BANP: variants seen among roughly 807,000 people sequenced by gnomAD.
BANP encodes the protein BTG3 associated nuclear protein.
Under a neutral mutation model 68.1 loss-of-function variants are expected in BANP, and 11 were observed. The observed-to-expected ratio is 0.16, with a 90% CI of 0.10 to 0.27. BANP has a LOEUF of 0.27. BANP is among the 10% of genes least tolerant of loss of function. The pLI, the probability that BANP is intolerant of heterozygous loss-of-function variation, is 1.00. For synonymous variants in BANP, 329 were observed against 303.2 expected (o/e 1.09, Z -0.88); for missense variants, 504 against 722.7 (o/e 0.70, Z 3.47).
In BANP at chr16:88,018,167, C is replaced by T. The variant is rs967195084; in HGVS notation, c.656-261C>T. Among the ~76,000 whole-genome samples the T allele has an allele frequency of 6.6e-6, 1 of 151,682 alleles. No homozygotes were observed. The highest frequency in any genetic ancestry group is 2.4e-5 in the African/African-American group (1 of 41,268). ...CAGAGTGTGTGACCGTGTTGGCGCT[C>T]AGGTCCCGAGGCCCTGCAGCCCCAC... On this transcript the variant is annotated intron_variant, in intron 6 of 13. Transcript: ENST00000682872. The surrounding 1 kb of genome is among the most constrained non-coding windows in gnomAD (Gnocchi z 7.7).
chr16:87,952,944 A>AT, intron 1 of BANP, among the ~76,000 whole-genome samples: 1 of 151,884 alleles, frequency 6.6e-6, no homozygotes, highest in African/African-American at 2.4e-5. Context: ...TAATTTTTGT[A>AT]TTTTTCGTAG....
chr16:88,038,756 C>T (rs1272955761), intron 11 of BANP, among the ~76,000 whole-genome samples: 1 of 152,106 alleles, frequency 6.6e-6, no homozygotes, highest in Admixed American at 6.5e-5. Context: ...GGTTTTGAGG[C>T]TGTGTGTTCC....
At chr16:88,045,495 A>G (rs1489691435) in intron 11 of BANP, among the ~76,000 whole-genome samples, 1 of 152,232 alleles carries the variant, frequency 6.6e-6, no homozygotes, top group Non-Finnish European at 1.5e-5. Flanking sequence ...TCTTCCAGCA[A>G]CAGGAAGGAC....
intron 11 of BANP, among the ~76,000 whole-genome samples, chr16:88,053,359 A>C (rs1433389708): frequency 2.3e-3 from 352 of 151,648 alleles, no homozygotes; most frequent in Non-Finnish European, 4.2e-3. Context: ...AACCACCCTA[A>C]CAGCCACTCC....
At chr16:87,976,474 G>GTTTTTTTTTTTTTTTTTTTT (rs59786663) in intron 2 of BANP, among the ~76,000 whole-genome samples, 2 of 95,972 alleles carry the variant, frequency 2.1e-5, no homozygotes, top group Non-Finnish European at 2.0e-5. Context: ...GTTTTAAAAA[G>GTTTTTTTTTTTTTTTTTTTT]TTTTTTTTTT....
At chr16:87,986,795 A>T (rs2064549395) in intron 4 of BANP, among the ~76,000 whole-genome samples, 1 of 152,160 alleles carries the variant, frequency 6.6e-6, no homozygotes, top group African/African-American at 2.4e-5. Context: ...ATAAGAGTAA[A>T]GTTGCCTAAT....
Position 88,064,960 on chromosome 16 carries a change from TAC to T in BANP, c.1312-305_1312-304del, listed in dbSNP as rs2088085954. Among the ~76,000 whole-genome samples the T allele has an allele frequency of 6.6e-6, 1 of 152,256 alleles. No homozygotes were observed. ...TTTTGTTTTGGCTTTTAAAAACTCC[TAC>T]AGTACAAACTCTTTCTAATGGAAAA... On this transcript the variant is annotated intron_variant, in intron 11 of 13. Transcript: ENST00000682872. This position sits in a 1 kb window ranked among gnomAD's most constrained non-coding sequence, Gnocchi z 4.5.
In BANP at chr16:87,953,578, A is replaced by C. The variant is rs114251137; in HGVS notation, c.-69+2063A>C. Among the ~76,000 whole-genome samples the C allele has an allele frequency of 8.1e-3, 1,226 of 151,918 alleles. 14 individuals carry two copies. Among genetic ancestry groups the C allele is most frequent in the African/African-American group, 0.027 (1,127 of 41,382 alleles). ...GATGGAGCCCTTCTGTCATATCCCA[A>C]CTCTTCTATCCCCTGGACTGTCTGT... On this transcript the variant is annotated intron_variant, in intron 1 of 13. Coordinates refer to ENST00000682872, the MANE Select transcript of BANP (RefSeq NM_001386991.1).
chr16:88,017,760 G>A (rs2074925648), intron 6 of BANP, among the ~76,000 whole-genome samples: 1 of 152,206 alleles, frequency 6.6e-6, no homozygotes, highest in African/African-American at 2.4e-5. Flanking sequence ...CCTCCATGTG[G>A]AGTGTGGGCC....
chr16:88,004,011 G>C lies in BANP; in HGVS notation c.363-284G>C, dbSNP rs1010423944. On this transcript the variant is annotated intron_variant, in intron 4 of 13. Transcript: ENST00000682872. This position sits in a 1 kb window ranked among gnomAD's most constrained non-coding sequence, Gnocchi z 7.0. The stretch of plus-strand genomic sequence containing the variant: ...TTCTGTCACAAGTTCAGCATCCTCA[G>C]CCCAGCTGTCCTGTGCTATCCAGTT... 3 of 375,198 alleles carry C rather than the reference G, an allele frequency of 8.0e-6. No homozygotes were observed. The highest frequency in any genetic ancestry group is 6.3e-5 in the African/African-American group (3 of 47,480). The allele number at this position is 375,198 out of a possible 1,614,324, so 23.2% of individuals were successfully genotyped here.
rs545702496 is a variant in BANP, at chr16:88,072,340, G to T, written c.1521+128G>T. On this transcript the variant is annotated intron_variant, in intron 13 of 13. Coordinates refer to ENST00000682872, the MANE Select transcript of BANP (RefSeq NM_001386991.1). ...TGCAGAGGGCACGTGATTGGACACA[G>T]ATGCCCATCTGAGGGTTCTACGTCT... 4.0e-5 allele frequency: 45 copies of T among 1,117,570 alleles called. 1 individual carries two copies. Among genetic ancestry groups the T allele is most frequent in the Non-Finnish European group, 5.2e-5 (42 of 804,880 alleles). 69.2% of individuals were successfully genotyped at this position (1,117,570 alleles called of 1,614,324 possible).
intron 7 of BANP, among the ~76,000 whole-genome samples, chr16:88,024,804 C>T (rs1449290839): frequency 6.6e-6 from 1 of 152,228 alleles, no homozygotes; most frequent in East Asian, 1.9e-4. Context: ...AATGGAAACT[C>T]GGTGGCGGGT....
chr16:88,043,445 C>T (rs559934017), intron 11 of BANP, among the ~76,000 whole-genome samples: 118 of 152,294 alleles, frequency 7.7e-4, no homozygotes, highest in African/African-American at 7.0e-4. Flanking sequence ...GTGAGGCATC[C>T]GGGCAGCATT....
At chr16:88,042,702 G>A (rs1203810232) in intron 11 of BANP, among the ~76,000 whole-genome samples, 1 of 152,170 alleles carries the variant, frequency 6.6e-6, no homozygotes, top group East Asian at 1.9e-4. Flanking sequence ...AGGATCGCTT[G>A]AGCCCAGGAG....
intron 6 of BANP, among the ~76,000 whole-genome samples, chr16:88,012,483 C>T (rs2073414987): frequency 6.6e-6 from 1 of 152,188 alleles, no homozygotes; most frequent in African/African-American, 2.4e-5. Flanking sequence ...TAACACCATG[C>T]TCTAAGGCTC....
chr16:87,999,439 C>T (rs1461707988), intron 4 of BANP, among the ~76,000 whole-genome samples: 1 of 50,862 alleles, frequency 2.0e-5, no homozygotes, highest in African/African-American at 9.4e-5. Context: ...CGTCTCCATG[C>T]ACGCACGTGC....
At chr16:88,016,692 C>T (rs1245508872) in intron 6 of BANP, among the ~76,000 whole-genome samples, 1 of 152,220 alleles carries the variant, frequency 6.6e-6, no homozygotes, top group African/African-American at 2.4e-5. Context: ...CATGAGACTC[C>T]ACCCATTAGC....
At position 88,057,485 on chromosome 16, in the gene BANP, C is replaced by T. The variant is rs1172351768; in HGVS notation, c.1312-7782C>T. ...ACTCTTGCGGTCCCCTCCACGTGTT[C>T]ACCTCGTCAGAGTCAAGAAACGAGG... On this transcript the variant is annotated intron_variant, in intron 11 of 13. Transcript: ENST00000682872. The surrounding 1 kb of genome is among the most constrained non-coding windows in gnomAD (Gnocchi z 4.6). Among the ~76,000 whole-genome samples, 1 of 152,064 alleles carries T rather than the reference C, an allele frequency of 6.6e-6. No individual in the cohort carries two copies. Among genetic ancestry groups the T allele is most frequent in the Non-Finnish European group, 1.5e-5 (1 of 68,014 alleles).
At chr16:88,035,191 G>A (rs2079046597) in intron 9 of BANP, 132 bp from the exon 10 acceptor site, 1 of 825,098 alleles carries the variant, frequency 1.2e-6, no homozygotes, top group Non-Finnish European at 2.0e-6. Flanking sequence ...AGACTATATT[G>A]CACTATTCAG....
Sources: gnomAD v4.1 joint callset for allele counts (sites outside exome capture counted in the v4.1 genomes callset) on GRCh38, gnomAD v4.1.1 for gene constraint, Gnocchi (gnomAD v3.1) non-coding constraint, MANE v1.5 for transcripts, NCBI Gene and HGNC (gene_info 2026-07-23, HGNC 2026-07-21) for gene names.